ARSF: variants seen among roughly 807,000 people sequenced by gnomAD.
ARSF encodes arylsulfatase F.
A neutral mutation model predicts 35.4 loss-of-function variants in ARSF; 33 were observed. The observed-to-expected ratio is 0.93, with a 90% CI of 0.71 to 1.25. The LOEUF (loss-of-function observed/expected upper bound fraction) is 1.25. Ranked by LOEUF, ARSF falls within the 50% of genes most tolerant of loss-of-function variation. The pLI, the probability that ARSF is intolerant of heterozygous loss-of-function variation, is 0.00. For synonymous variants in ARSF, 222 were observed against 193.1 expected (o/e 1.15, Z -1.24); for missense variants, 501 against 480.2 (o/e 1.04, Z -0.40).
chrX:3,079,532 C>T (rs1163096837), intron 4 of ARSF, among the ~76,000 whole-genome samples: 7 of 108,294 alleles, frequency 6.5e-5, no homozygotes, highest in Middle Eastern at 4.4e-3. Flanking sequence ...TTAGTAGAGA[C>T]GGGGTTTCCC....
chrX:3,096,519 C>T (rs184570339), intron 7 of ARSF, among the ~76,000 whole-genome samples: 47 of 111,288 alleles, frequency 4.2e-4, no homozygotes, highest in Admixed American at 1.1e-3. Context: ...TGATGAAATA[C>T]ACACTGAATA....
intron 3 of ARSF, among the ~76,000 whole-genome samples, chrX:3,074,809 C>T (rs7058407): frequency 0.074 from 8,225 of 110,855 alleles, 426 homozygotes; most frequent in African/African-American, 0.19. Flanking sequence ...GATTTATTCA[C>T]GTTTGGCTCC....
intron 5 of ARSF, 107 bp downstream of exon 5, chrX:3,081,120 A>G (rs991446154): frequency 4.9e-6 from 5 of 1,028,743 alleles, no homozygotes; most frequent in Admixed American, 5.6e-5. Context: ...ACAATGTCTT[A>G]TGTAAAGGCG....
At chrX:3,055,708 C>T (rs764954706) in intron 1 of ARSF, among the ~76,000 whole-genome samples, 8 of 111,187 alleles carry the variant, frequency 7.2e-5, no homozygotes, top group African/African-American at 1.6e-4. Context: ...TCATCTTCAT[C>T]GTCCCTGGGT....
intron 1 of ARSF, among the ~76,000 whole-genome samples, chrX:3,059,473 G>C (rs1463678772): frequency 1.8e-5 from 2 of 112,405 alleles, no homozygotes; most frequent in African/African-American, 3.2e-5. Context: ...CAGAGGGCAA[G>C]CCGAAACAGG....
At chrX:3,040,661 G>A (rs1012818022), upstream of ARSF, among the ~76,000 whole-genome samples, 1 of 110,947 alleles carries the variant, frequency 9.0e-6, no homozygotes, top group Non-Finnish European at 1.9e-5. Context: ...AACCACCCCT[G>A]GGTGGTAGGG....
chrX:3,097,133 G>A (rs1045049616), intron 7 of ARSF, among the ~76,000 whole-genome samples: 1 of 112,035 alleles, frequency 8.9e-6, no homozygotes, highest in Admixed American at 9.5e-5. Context: ...GTTGTTTTAA[G>A]CCACCTCATT....
Position 3,112,617 on chromosome X carries a change from G to A in ARSF, c.*61G>A, listed in dbSNP as rs774553701. The A allele has an allele frequency of 1.9e-5, 21 of 1,121,264 alleles. No individual in the cohort carries two copies. The highest frequency in any genetic ancestry group is 7.6e-5 in the African/African-American group (4 of 52,974). 92.4% of individuals were successfully genotyped at this position (1,121,264 alleles called of 1,213,427 possible). A position where few individuals can be genotyped will look rare whatever the true frequency, so the allele number is the denominator to read the frequency against. The stretch of plus-strand genomic sequence containing the variant: ...AACGAGAAGAGATAATTACAATCAG[G>A]CTACCAAAGGAAGCACTAACTTTGG... On this transcript the variant is annotated 3_prime_UTR_variant, in exon 11 of 11. Coordinates refer to ENST00000381127, the MANE Select transcript of ARSF (RefSeq NM_001201539.2).
chrX:3,079,025 A>C (rs1185912209), intron 4 of ARSF, among the ~76,000 whole-genome samples: 1 of 110,526 alleles, frequency 9.0e-6, no homozygotes, highest in Non-Finnish European at 1.9e-5. Context: ...ACATAAAAGG[A>C]ATCATACAGT....
At chrX:3,070,059 C>T (rs1029007760) in intron 2 of ARSF, among the ~76,000 whole-genome samples, 2 of 111,560 alleles carry the variant, frequency 1.8e-5, no homozygotes, top group Admixed American at 9.6e-5. Context: ...CTCCACTGGC[C>T]CCCCAGCTCC....
chrX:3,095,051 T>C (rs1437349138), intron 7 of ARSF, among the ~76,000 whole-genome samples: 1 of 108,748 alleles, frequency 9.2e-6, no homozygotes, highest in Non-Finnish European at 1.9e-5. Context: ...TGGAGGCTGA[T>C]GTGGCAGGAT....
intron 3 of ARSF, among the ~76,000 whole-genome samples, chrX:3,074,617 G>A (rs185352230): frequency 4.5e-5 from 5 of 111,288 alleles, no homozygotes; most frequent in Non-Finnish European, 7.5e-5. Context: ...ATCCATTGTG[G>A]AATAGCTAAA....
At position 3,066,824 on chromosome X, in the gene ARSF, A is replaced by T. The variant is rs1333727327; in HGVS notation, c.-28-1249A>T. ...AAAAGAGGCAGAGCCTTTGCAGAAC[A>T]GCCTGTCTGTTCTGCTCCTAGACAT... is the stretch of plus-strand genomic sequence containing the variant. On this transcript the variant is annotated intron_variant, in intron 1 of 10. Coordinates refer to ENST00000381127, the MANE Select transcript of ARSF (RefSeq NM_001201539.2). The T allele has an allele frequency of 6.4e-5, 7 of 110,033 alleles. No individual in the cohort carries two copies. The East Asian group carries it at 2.0e-3, about 31-fold the overall frequency. The allele number at this position is 110,033 out of a possible 1,213,427, so 9.1% of individuals were successfully genotyped here.
intron 7 of ARSF, among the ~76,000 whole-genome samples, chrX:3,094,033 G>A (rs1388028013): frequency 9.0e-6 from 1 of 111,505 alleles, no homozygotes; most frequent in Non-Finnish European, 1.9e-5. Context: ...AATTACTTTT[G>A]CACCAACCTA....
intron 1 of ARSF, among the ~76,000 whole-genome samples, chrX:3,065,655 A>G (rs1229255856): frequency 8.3e-5 from 9 of 107,829 alleles, no homozygotes; most frequent in African/African-American, 3.0e-4. Flanking sequence ...AAAAAAATGC[A>G]CATGCCCTTT....
rs1337143085 is a variant in ARSF at position 3,092,917 on chromosome X, A to C, written c.967+3285A>C. 5.3e-5 allele frequency among the ~76,000 whole-genome samples: 6 copies of C among 112,267 alleles called. No individual in the cohort carries two copies. The East Asian group carries it at 1.4e-3, about 26-fold the overall frequency. On this transcript the variant is annotated intron_variant, in intron 7 of 10. Transcript: ENST00000381127. Reference sequence around the variant, plus strand: ...GCCGGGCGCGGTGGCTCACGCCTGTAATCCCAGCACTTTGGGAGGCCAAGG... The same window carrying C: ...GCCGGGCGCGGTGGCTCACGCCTGTCATCCCAGCACTTTGGGAGGCCAAGG...
chrX:3,106,132 G>A (rs1452244914), intron 9 of ARSF, among the ~76,000 whole-genome samples: 1 of 112,171 alleles, frequency 8.9e-6, no homozygotes, highest in Non-Finnish European at 1.9e-5. Context: ...TAGTACAGCT[G>A]TCCTTTCCTG....
intron 6 of ARSF, among the ~76,000 whole-genome samples, chrX:3,088,564 C>CTT (rs34488601): frequency 1.0e-5 from 1 of 96,911 alleles, no homozygotes. Flanking sequence ...TCAAATCCAT[C>CTT]TTTTTTTTTT....
chrX:3,060,376 G>A (rs2090036725), intron 1 of ARSF, among the ~76,000 whole-genome samples: 1 of 112,223 alleles, frequency 8.9e-6, no homozygotes, highest in Admixed American at 9.5e-5. Context: ...CAGAAAAGCT[G>A]AAAATTCTAA....
Sources: gnomAD v4.1 joint callset for allele counts (sites outside exome capture counted in the v4.1 genomes callset) on GRCh38, gnomAD v4.1.1 for gene constraint, MANE v1.5 for transcripts, NCBI Gene and HGNC (gene_info 2026-07-23, HGNC 2026-07-21) for gene names.